CACNA2D3: variants seen among roughly 807,000 people sequenced by gnomAD.
The protein encoded by CACNA2D3 is calcium voltage-gated channel auxiliary subunit alpha2delta 3.
CACNA2D3 carries 60 observed loss-of-function variants against 160.6 expected under a neutral mutation model. The observed-to-expected ratio is 0.37, with a 90% CI of 0.30 to 0.46. The LOEUF (loss-of-function observed/expected upper bound fraction) is 0.46. CACNA2D3 is among the 20% of genes least tolerant of loss of function. The probability of loss-of-function intolerance (pLI) is 1.00; values close to 1 mark genes in which losing one functional copy is unlikely to be tolerated. For missense variants in CACNA2D3, 1,205 were observed against 1,365.0 expected (o/e 0.88, Z 1.85); for synonymous variants, 558 against 492.9 (o/e 1.13, Z -1.75).
intron 9 of CACNA2D3, among the ~76,000 whole-genome samples, chr3:54,622,169 A>G (rs1699001867): frequency 6.6e-6 from 1 of 152,190 alleles, no homozygotes; most frequent in Non-Finnish European, 1.5e-5. Context: ...ATTTCACAGC[A>G]GGCAAAATTG....
At chr3:54,581,228 G>A (rs1316516460) in intron 8 of CACNA2D3, among the ~76,000 whole-genome samples, 1 of 152,186 alleles carries the variant, frequency 6.6e-6, no homozygotes, top group African/African-American at 2.4e-5. Context: ...GTGTGGGGGG[G>A]TCCTATTCTG....
intron 4 of CACNA2D3, among the ~76,000 whole-genome samples, chr3:54,432,004 A>G (rs1356634407): frequency 2.6e-5 from 4 of 152,192 alleles, no homozygotes; most frequent in South Asian, 2.1e-4. Context: ...CCTAATGTCC[A>G]TTCACAGAGG....
At chr3:54,968,737 AT>A (rs1034652629) in intron 28 of CACNA2D3, among the ~76,000 whole-genome samples, 5 of 152,200 alleles carry the variant, frequency 3.3e-5, no homozygotes, top group African/African-American at 1.2e-4. Flanking sequence ...AACAGTTTTA[AT>A]TGTGGGATCA....
intron 27 of CACNA2D3, among the ~76,000 whole-genome samples, chr3:54,913,176 G>A (rs766443922): frequency 8.5e-5 from 13 of 152,118 alleles, no homozygotes; most frequent in Non-Finnish European, 1.6e-4. Flanking sequence ...TTGATCTCCT[G>A]AACTCAAGCA....
In CACNA2D3 at chr3:54,640,949, GAAGGT is replaced by G. The variant is rs1176595241; in HGVS notation, c.1054-1175_1054-1171del. Among the ~76,000 whole-genome samples, 3 of 151,956 alleles carry G rather than the reference GAAGGT, an allele frequency of 2.0e-5. No individual in the cohort carries two copies. The East Asian group carries it at 5.8e-4, about 29-fold the overall frequency. On this transcript the variant is annotated intron_variant, in intron 10 of 37. Transcript: ENST00000474759. ...ATTTCCTAAAACACAGTCCATACCT[GAAGGT>G]AAGAGAGGTTGTGCAATCCTAGACT...
At chr3:54,543,438 A>C (rs1702014471) in intron 5 of CACNA2D3, among the ~76,000 whole-genome samples, 1 of 152,198 alleles carries the variant, frequency 6.6e-6, no homozygotes, top group South Asian at 2.1e-4. Flanking sequence ...CCAATTAAGA[A>C]TTTATCTTTT....
intron 17 of CACNA2D3, among the ~76,000 whole-genome samples, chr3:54,865,914 AAGGAAAATG>A (rs901721796): frequency 2.6e-5 from 4 of 152,140 alleles, no homozygotes; most frequent in East Asian, 1.9e-4. Flanking sequence ...TCTTACGGAT[AAGGAAAATG>A]AGGAAAATGA....
chr3:54,737,558 A>AT (rs1553815751), intron 11 of CACNA2D3, among the ~76,000 whole-genome samples: 1 of 152,104 alleles, frequency 6.6e-6, no homozygotes, highest in Non-Finnish European at 1.5e-5. Context: ...GGGGCTGAGT[A>AT]GGGGGGCAAG....
At chr3:54,325,502 A>G (rs966569135) in intron 3 of CACNA2D3, among the ~76,000 whole-genome samples, 2 of 152,158 alleles carry the variant, frequency 1.3e-5, no homozygotes, top group Non-Finnish European at 2.9e-5. Context: ...TTTGAGCTGG[A>G]CTTAGAACCT....
chr3:54,970,032 T>C (rs1396332831), intron 29 of CACNA2D3, among the ~76,000 whole-genome samples, 188 bp downstream of exon 29: 1 of 152,130 alleles, frequency 6.6e-6, no homozygotes, highest in Non-Finnish European at 1.5e-5. Flanking sequence ...CTCCCATCAG[T>C]TTATGACAGC....
At chr3:54,160,970 G>A (rs138850412) in intron 2 of CACNA2D3, among the ~76,000 whole-genome samples, 4 of 152,290 alleles carry the variant, frequency 2.6e-5, no homozygotes, top group African/African-American at 9.6e-5. Flanking sequence ...TCCAGCAGGC[G>A]AGTCCAGTGT....
At chr3:54,386,869 G>T in intron 4 of CACNA2D3, 95 bp downstream of exon 4, 1 of 1,147,670 alleles carries the variant, frequency 8.7e-7, no homozygotes, top group Admixed American at 2.3e-5. Flanking sequence ...TCAGTGATTG[G>T]GAGGGAGAGG....
At chr3:54,591,745 G>A (rs1016194287) in intron 9 of CACNA2D3, among the ~76,000 whole-genome samples, 3 of 152,018 alleles carry the variant, frequency 2.0e-5, no homozygotes, top group African/African-American at 4.8e-5. Flanking sequence ...ACCCTGAATG[G>A]AGCTTTGAGT....
At position 54,880,852 on chromosome 3, in the gene CACNA2D3, C is replaced by G. The variant is rs750757559; in HGVS notation, c.1901C>G (p.Thr634Ser). 6.2e-7 allele frequency: 1 copy of G among 1,613,692 alleles called. No individual in the cohort carries two copies. The highest frequency in any genetic ancestry group is 1.1e-5 in the South Asian group (1 of 91,076). ...AAATATTTCTTCCGAGGGAATGTAA[C>G]CATCGAAGAAGGTAAGATACTGCCT... ...HGKYFFRGNV[T>S]IEEGLHDLEH... Residue 634 changes from threonine (T) to serine (S), a missense_variant, in exon 21 of 38, where the codon ACC becomes AGC. Thr to Ser is a moderately conservative substitution (Grantham distance 58). This residue lies in a region of CACNA2D3 where 911 missense variants were observed against 1,002.2 expected (regional missense o/e 0.91). Transcript: ENST00000474759.
chr3:54,568,138 C>T (rs1170222361), intron 6 of CACNA2D3, among the ~76,000 whole-genome samples: 1 of 152,164 alleles, frequency 6.6e-6, no homozygotes, highest in Admixed American at 6.5e-5. Context: ...TTTCTTTTCA[C>T]AAGCTAAAAG....
intron 2 of CACNA2D3, among the ~76,000 whole-genome samples, chr3:54,214,391 G>C (rs1052211640): frequency 3.9e-5 from 6 of 152,006 alleles, no homozygotes; most frequent in Non-Finnish European, 8.8e-5. Flanking sequence ...CTCTAAAATT[G>C]ACCTTTGCAT....
intron 11 of CACNA2D3, among the ~76,000 whole-genome samples, chr3:54,733,365 A>G (rs1301865025): frequency 6.6e-6 from 1 of 152,222 alleles, no homozygotes; most frequent in East Asian, 1.9e-4. Flanking sequence ...TGGGAGAAAT[A>G]TGAGCTGTAT....
At chr3:54,531,312 G>T (rs1340905382) in intron 5 of CACNA2D3, among the ~76,000 whole-genome samples, 1 of 152,220 alleles carries the variant, frequency 6.6e-6, no homozygotes, top group Non-Finnish European at 1.5e-5. Context: ...AGAATTACAG[G>T]TAGTCCTGGC....
At chr3:55,031,685 G>A (rs1000589339) in intron 35 of CACNA2D3, among the ~76,000 whole-genome samples, 3 of 152,112 alleles carry the variant, frequency 2.0e-5, no homozygotes, top group Admixed American at 6.5e-5. Flanking sequence ...ATTAATTTCC[G>A]TATGTTGTTC....
Sources: allele counts gnomAD v4.1 joint callset (sites outside exome capture counted in the v4.1 genomes callset), GRCh38; gene constraint gnomAD v4.1.1; regional missense constraint gnomAD v4.1.1; transcripts MANE v1.5; gene names NCBI Gene and HGNC (gene_info 2026-07-23, HGNC 2026-07-21).